The following TMTC2 variants were observed in gnomAD, a reference collection of about 807,000 sequenced individuals.
TMTC2 encodes the protein transmembrane O-mannosyltransferase targeting cadherins 2.
A neutral mutation model predicts 82.4 loss-of-function variants in TMTC2; 43 were observed. The ratio of observed to expected loss-of-function variants is 0.52; its 90% CI spans 0.41 to 0.67. The LOEUF (loss-of-function observed/expected upper bound fraction) is 0.67. Ranked by LOEUF, TMTC2 falls within the 30% of genes least tolerant of loss-of-function variation. The probability of loss-of-function intolerance (pLI) is 0.00; values close to 1 mark genes in which losing one functional copy is unlikely to be tolerated. For synonymous variants in TMTC2, 408 were observed against 381.9 expected (o/e 1.07, Z -0.80); for missense variants, 919 against 1,012.4 (o/e 0.91, Z 1.25).
chr12:82,942,091 A>G (rs543135411), intron 4 of TMTC2, among the ~76,000 whole-genome samples: 6 of 152,320 alleles, frequency 3.9e-5, no homozygotes, highest in Middle Eastern at 6.8e-3. Flanking sequence ...TAAAGGATTA[A>G]GTTCTCTTTT....
At chr12:82,693,226 C>T (rs1324463548) in intron 1 of TMTC2, among the ~76,000 whole-genome samples, 1 of 152,128 alleles carries the variant, frequency 6.6e-6, no homozygotes, top group African/African-American at 2.4e-5. Context: ...TTGATTGTTA[C>T]CTTTTAATTA....
chr12:82,771,511 G>GT (rs1362681501), intron 1 of TMTC2, among the ~76,000 whole-genome samples: 4 of 151,982 alleles, frequency 2.6e-5, no homozygotes, highest in African/African-American at 9.7e-5. Context: ...TTTTGTGTGT[G>GT]TTTTTTTAAC....
chr12:82,804,288 T>C (rs1396911407), intron 1 of TMTC2, among the ~76,000 whole-genome samples: 1 of 152,100 alleles, frequency 6.6e-6, no homozygotes, highest in Non-Finnish European at 1.5e-5. Flanking sequence ...GCTAAGAGTT[T>C]AGGGGCCTAG....
intron 8 of TMTC2, among the ~76,000 whole-genome samples, chr12:83,007,252 C>CT (rs1880247389): frequency 6.6e-6 from 1 of 151,510 alleles, no homozygotes; most frequent in African/African-American, 2.4e-5. Flanking sequence ...GTTTCTTCTT[C>CT]TTTATCTAGT....
At chr12:82,732,443 C>T (rs528269062) in intron 1 of TMTC2, among the ~76,000 whole-genome samples, 1 of 152,066 alleles carries the variant, frequency 6.6e-6, no homozygotes, top group South Asian at 2.1e-4. Flanking sequence ...CCCAGGTTCA[C>T]GCCATTCTCC....
At chr12:82,747,204 A>G (rs977600251) in intron 1 of TMTC2, among the ~76,000 whole-genome samples, 2 of 152,256 alleles carry the variant, frequency 1.3e-5, no homozygotes, top group African/African-American at 2.4e-5. Context: ...CCTTTATACC[A>G]GGATATATGA....
chr12:83,064,242 C>A (rs886604624), intron 11 of TMTC2, among the ~76,000 whole-genome samples: 2 of 151,822 alleles, frequency 1.3e-5, no homozygotes, highest in Admixed American at 1.3e-4. Context: ...ATGAAAGACA[C>A]TTGGATACTA....
chr12:82,915,008 A>G (rs1177124786), intron 3 of TMTC2, among the ~76,000 whole-genome samples: 1 of 151,744 alleles, frequency 6.6e-6, no homozygotes, highest in Non-Finnish European at 1.5e-5. Flanking sequence ...TATTTTTAGT[A>G]TAGATGGTGT....
chr12:83,088,496 A>T (rs2137515306), intron 11 of TMTC2, among the ~76,000 whole-genome samples: 1 of 152,218 alleles, frequency 6.6e-6, no homozygotes, highest in South Asian at 2.1e-4. Context: ...ATAACGAGAG[A>T]TGTGCAACTC....
chr12:82,923,435 AT>A, intron 3 of TMTC2, among the ~76,000 whole-genome samples: 1 of 152,192 alleles, frequency 6.6e-6, no homozygotes, highest in East Asian at 1.9e-4. Flanking sequence ...CTCCCAGTAT[AT>A]TATACATTTA....
intron 11 of TMTC2, among the ~76,000 whole-genome samples, chr12:83,081,836 C>A (rs971616171): frequency 4.0e-5 from 6 of 151,824 alleles, no homozygotes; most frequent in Admixed American, 3.9e-4. Flanking sequence ...TCCAAGGGTT[C>A]GAGACCATCC....
intron 4 of TMTC2, among the ~76,000 whole-genome samples, chr12:82,935,305 T>C (rs566528799): frequency 3.3e-5 from 5 of 152,190 alleles, no homozygotes; most frequent in Non-Finnish European, 7.4e-5. Context: ...AATTCTATTC[T>C]TAATAACAAT....
intron 2 of TMTC2, among the ~76,000 whole-genome samples, chr12:82,875,457 C>A (rs1042488419): frequency 3.9e-4 from 60 of 152,062 alleles, no homozygotes; most frequent in African/African-American, 1.4e-3. Flanking sequence ...GCGTGCAAGA[C>A]CTTTACTCAT....
intron 7 of TMTC2, among the ~76,000 whole-genome samples, chr12:82,969,367 C>T (rs1172452296): frequency 6.6e-6 from 1 of 152,192 alleles, no homozygotes; most frequent in Non-Finnish European, 1.5e-5. Context: ...CCACTACCCC[C>T]AAGCACTTGT....
At chr12:83,072,118 T>A (rs908489565) in intron 11 of TMTC2, among the ~76,000 whole-genome samples, 2 of 152,152 alleles carry the variant, frequency 1.3e-5, no homozygotes, top group Non-Finnish European at 2.9e-5. Flanking sequence ...TTTGTGCTCT[T>A]TCAGTCTCTT....
chr12:83,123,509 G>A (rs867887193), intron 11 of TMTC2, among the ~76,000 whole-genome samples: 2 of 152,170 alleles, frequency 1.3e-5, no homozygotes, highest in African/African-American at 4.8e-5. Context: ...TCTGAATTGG[G>A]AGTGTTGCAT....
chr12:82,871,285 C>T (rs1259579442), intron 2 of TMTC2, among the ~76,000 whole-genome samples: 1 of 152,056 alleles, frequency 6.6e-6, no homozygotes, highest in Admixed American at 6.5e-5. Flanking sequence ...CTCCAAAGCT[C>T]ATGGTCTTCC....
intron 2 of TMTC2, among the ~76,000 whole-genome samples, chr12:82,888,522 A>T (rs766039887): frequency 1.3e-5 from 2 of 152,218 alleles, no homozygotes; most frequent in Non-Finnish European, 2.9e-5. Context: ...TCTTGGGCTC[A>T]GGGCATCTTC....
intron 9 of TMTC2, among the ~76,000 whole-genome samples, chr12:83,031,471 GATC>G (rs1881428079): frequency 6.7e-6 from 1 of 148,344 alleles, no homozygotes; most frequent in Admixed American, 6.6e-5. Context: ...CATTAGTAGT[GATC>G]ATGTGTTTAG....
Sources: gnomAD v4.1 joint callset for allele counts (sites outside exome capture counted in the v4.1 genomes callset) on GRCh38, gnomAD v4.1.1 for gene constraint, MANE v1.5 for transcripts, NCBI Gene and HGNC (gene_info 2026-07-23, HGNC 2026-07-21) for gene names.